ABCA1: variants seen among roughly 807,000 people sequenced by gnomAD.
ABCA1 encodes the protein ATP binding cassette subfamily A member 1.
ABCA1 carries 133 observed loss-of-function variants against 262.5 expected under a neutral mutation model. The ratio of observed to expected loss-of-function variants is 0.51; its 90% confidence interval spans 0.44 to 0.59. The LOEUF (loss-of-function observed/expected upper bound fraction) is 0.59, where lower values mean the gene tolerates loss of function less well. ABCA1 is among the 20% of genes least tolerant of loss of function. The probability of loss-of-function intolerance (pLI) is 0.00; values close to 1 mark genes in which losing one functional copy is unlikely to be tolerated. For synonymous variants in ABCA1, 1,022 were observed against 1,043.5 expected, an observed-to-expected ratio of 0.98 and a Z score of 0.40; for missense variants, 2,452 against 2,777.5, an observed-to-expected ratio of 0.88 and a Z score of 2.63.
intron 12 of ABCA1, 50 bp from the exon 13 acceptor site, chr9:104,831,877 C>T (rs746664255): frequency 5.1e-5 from 80 of 1,559,198 alleles, no homozygotes; most frequent in Non-Finnish European, 6.8e-5. Flanking sequence ...GGACAACAAG[C>T]AGTGGCTGAG....
intron 10 of ABCA1, 50 bp from the exon 11 acceptor site, chr9:104,837,146 A>T (rs1647764980): frequency 1.4e-6 from 2 of 1,447,536 alleles, no homozygotes; most frequent in South Asian, 2.3e-5. Flanking sequence ...GGAGAAGCAC[A>T]GACAATGAGC....
chr9:104,827,270 A>G, intron 15 of ABCA1, 101 bp from the exon 16 acceptor site: 1 of 983,764 alleles, frequency 1.0e-6, no homozygotes. Context: ...TACTCATGTT[A>G]GAGACAATGC....
At chr9:104,902,485 A>G (rs1840743711) in intron 2 of ABCA1, among the ~76,000 whole-genome samples, 1 of 152,212 alleles carries the variant, frequency 6.6e-6, no homozygotes, top group African/African-American at 2.4e-5. Context: ...GTTTCAGTTG[A>G]ACAACAGCTG....
chr9:104,926,334 TTC>T (rs1826323370), intron 1 of ABCA1, among the ~76,000 whole-genome samples: 1 of 152,140 alleles, frequency 6.6e-6, no homozygotes, highest in Non-Finnish European at 1.5e-5. Flanking sequence ...ATTTCTTTGC[TTC>T]TTTTTGATAA....
At chr9:104,912,765 A>G (rs1841578230) in intron 1 of ABCA1, among the ~76,000 whole-genome samples, 2 of 152,232 alleles carry the variant, frequency 1.3e-5, no homozygotes, top group Admixed American at 6.5e-5. Context: ...TAGCACATAG[A>G]AAAAAAGAAT....
intron 8 of ABCA1, 56 bp from the exon 9 acceptor site, chr9:104,840,575 G>A: frequency 3.2e-6 from 5 of 1,540,148 alleles, no homozygotes; most frequent in South Asian, 2.3e-5. Flanking sequence ...AAAGGGCAGT[G>A]CAAGGGTTGG....
At chr9:104,888,062 T>C (rs62568182) in intron 3 of ABCA1, among the ~76,000 whole-genome samples, 1 of 129,548 alleles carries the variant, frequency 7.7e-6, no homozygotes, top group Admixed American at 7.0e-5. Flanking sequence ...TTGAGGGGTG[T>C]GTGTGTGTGT....
intron 49 of ABCA1, 43 bp from the exon 50 acceptor site, chr9:104,784,498 T>A (rs768563583): frequency 1.2e-6 from 2 of 1,612,128 alleles, no homozygotes; most frequent in South Asian, 2.2e-5. Context: ...ACCACTCAAC[T>A]TGCTCATTCT....
At chr9:104,832,184 T>C (rs1476306284) in intron 12 of ABCA1, among the ~76,000 whole-genome samples, 2 of 152,186 alleles carry the variant, frequency 1.3e-5, no homozygotes, top group Non-Finnish European at 2.9e-5. Context: ...ACTAATATAA[T>C]TTTTAATATA....
At chr9:104,797,273 G>C (rs1013940548) in intron 37 of ABCA1, among the ~76,000 whole-genome samples, 3 of 152,180 alleles carry the variant, frequency 2.0e-5, no homozygotes, top group African/African-American at 7.2e-5. Flanking sequence ...AGTAATTACT[G>C]AATCAAGATA....
At chr9:104,887,064 G>A (rs1588509235) in intron 3 of ABCA1, among the ~76,000 whole-genome samples, 1 of 152,186 alleles carries the variant, frequency 6.6e-6, no homozygotes, top group East Asian at 1.9e-4. Flanking sequence ...AATCACCTGA[G>A]GCCAGGAGTT....
intron 1 of ABCA1, among the ~76,000 whole-genome samples, chr9:104,918,737 G>C (rs568703968): frequency 9.4e-4 from 143 of 152,312 alleles, no homozygotes; most frequent in South Asian, 1.7e-3. Flanking sequence ...AGGGTCTGCA[G>C]GTCAGTGTAA....
At chr9:104,917,851 C>T (rs1027955856) in intron 1 of ABCA1, among the ~76,000 whole-genome samples, 1 of 152,096 alleles carries the variant, frequency 6.6e-6, no homozygotes, top group Non-Finnish European at 1.5e-5. Context: ...GTCTCATTGT[C>T]AGCTGGGGCC....
chr9:104,921,371 T>TA (rs1250156783), intron 1 of ABCA1, among the ~76,000 whole-genome samples: 1 of 152,172 alleles, frequency 6.6e-6, no homozygotes, highest in African/African-American at 2.4e-5. Context: ...TACTGTTTTT[T>TA]AAAAAAGTGT....
chr9:104,794,511 C>CAAAAA lies in ABCA1; in HGVS notation c.5383-2_5383-1insTTTTT. The CAAAAA allele has an allele frequency of 3.7e-6, 2 of 538,872 alleles. No homozygotes were observed. The highest frequency in any genetic ancestry group is 4.9e-6 in the Non-Finnish European group (2 of 406,822). 33.4% of individuals were successfully genotyped at this position (538,872 alleles called of 1,614,324 possible). A position where few individuals can be genotyped will look rare whatever the true frequency, so the allele number is the denominator to read the frequency against. ...GGATATCATTGATATTATTCAGCTT[C>CAAAAA]TAAAAAAAAAAAAAAAAAATGGGAG... On this transcript the variant is annotated splice_acceptor_variant, in intron 39 of 49. Transcript: ENST00000374736. LOFTEE classifies it high-confidence loss of function.
Position 104,803,320 on chromosome 9 carries a change from C to CAG in ABCA1, c.4560-6_4560-5dup. 1.2e-6 allele frequency: 2 copies of CAG among 1,614,070 alleles called. No individual in the cohort carries two copies. The highest frequency in any genetic ancestry group is 1.7e-6 in the Non-Finnish European group (2 of 1,179,944). On this transcript the variant is annotated splice_region_variant and splice_polypyrimidine_tract_variant and intron_variant, in intron 32 of 49. Coordinates refer to ENST00000374736, the MANE Select transcript of ABCA1 (RefSeq NM_005502.4). ...CACCCAGATCTTGTTCTTTAAGCTG[C>CAG]AGAGACAAAGAAACAAAAAATCAGT...
chr9:104,840,773 C>T (rs754369676), intron 8 of ABCA1, among the ~76,000 whole-genome samples: 4 of 152,148 alleles, frequency 2.6e-5, no homozygotes, highest in Non-Finnish European at 4.4e-5. Context: ...GATTCTGAGA[C>T]CCCTCTGCCG....
intron 11 of ABCA1, among the ~76,000 whole-genome samples, chr9:104,834,944 C>G (rs1833676076): frequency 6.6e-6 from 1 of 152,104 alleles, no homozygotes. Flanking sequence ...ATTAAATAAA[C>G]ACTCTTTAAG....
At position 104,837,012 on chromosome 9, in the gene ABCA1, T is replaced by A. The variant is rs1231341456; in HGVS notation, c.1279A>T (p.Met427Leu). Residue 427 changes from methionine (M) to leucine (L), a missense_variant, in exon 11 of 50, where the codon ATG (methionine) becomes TTG (leucine). By Grantham distance (15) the Met-to-Leu change is conservative. This residue lies in a region of ABCA1 where 1,032 missense variants were observed against 1,089.7 expected (regional missense o/e 0.95). Transcript: ENST00000374736. ...EELSPKIWTF[M>L]ENSQEMDLVR... ...AGGTCCATTTCTTGGCTGTTCTCCA[T>A]GAAGGTCCAGATCTTGGGGCTGAGT... 6.2e-7 allele frequency: 1 copy of A among 1,614,156 alleles called. No individual in the cohort carries two copies. The highest frequency in any genetic ancestry group is 8.5e-7 in the Non-Finnish European group (1 of 1,180,016).
Sources: gnomAD v4.1 joint callset for allele counts (sites outside exome capture counted in the v4.1 genomes callset) on GRCh38, gnomAD v4.1.1 for gene constraint, gnomAD v4.1.1 regional missense constraint, MANE v1.5 for transcripts, NCBI Gene and HGNC (gene_info 2026-07-23, HGNC 2026-07-21) for gene names.